The following ZNF266 variants were observed in gnomAD, a reference collection of about 807,000 sequenced individuals.
ZNF266 encodes zinc finger protein 1.
A neutral mutation model predicts 16.4 loss-of-function variants in ZNF266; 16 were observed. The ratio of observed to expected loss-of-function variants is 0.98; its 90% CI spans 0.66 to 1.48. The LOEUF (loss-of-function observed/expected upper bound fraction) is 1.48, where lower values mean the gene tolerates loss of function less well. ZNF266 is among the 40% of genes most tolerant of loss of function. The pLI is 0.00. For synonymous variants in ZNF266, 262 were observed against 237.9 expected, an observed-to-expected ratio of 1.10 and a Z score of -0.93; for missense variants, 738 against 689.1, an observed-to-expected ratio of 1.07 and a Z score of -0.79.
chr19:9,425,970 A>G (rs550480954), intron 5 of ZNF266, among the ~76,000 whole-genome samples: 3 of 152,286 alleles, frequency 2.0e-5, no homozygotes, highest in South Asian at 4.1e-4. Flanking sequence ...GAAGACCGGC[A>G]TTCTGACTGC....
rs201553198 is a variant in ZNF266 at position 9,414,236 on chromosome 19, T to C, written c.890A>G (p.His297Arg). The C allele has an allele frequency of 4.3e-6, 7 of 1,614,224 alleles. No homozygotes were observed. The East Asian group carries it at 1.6e-4, about 36-fold the overall frequency. Reference protein sequence around the residue: ...GFRYSAYLNIHMGTHTGDNPY... With the variant: ...GFRYSAYLNIRMGTHTGDNPY... ...ATTGTCTCCAGTGTGGGTTCCCATG[T>C]GAATATTAAGGTATGCAGAATATCT... Residue 297 changes from histidine to arginine, a missense_variant, in exon 11 of 11, where the codon CAC (histidine) becomes CGC (arginine). By Grantham distance (29) the His-to-Arg change is conservative. Transcript: ENST00000592904.
At position 9,413,472 on chromosome 19, in the gene ZNF266, T is replaced by G. The variant is rs747596128; in HGVS notation, c.1654A>C (p.Ile552Leu). ...TTGTAGGGTTTTTCTCCAGTGTGGA[T>G]CCGCATGTGAAGGTTAACACACGTG... is the stretch of plus-strand genomic sequence containing the variant. ...FPTCVNLHMR[I>L]HTGEKPYKCK... The change falls in exon 11 of 11, where the codon ATC becomes CTC. Residue 552 changes from isoleucine (I) to leucine (L), a missense_variant. Ile to Leu is a conservative substitution (Grantham distance 5, BLOSUM62 2). Coordinates refer to ENST00000592904, the MANE Select transcript of ZNF266 (RefSeq NM_001370374.1). The G allele has an allele frequency of 1.6e-5, 26 of 1,612,878 alleles. 1 individual carries two copies. The South Asian group carries it at 2.7e-4, about 17-fold the overall frequency.
intron 5 of ZNF266, among the ~76,000 whole-genome samples, chr19:9,427,067 G>T (rs1357246445): frequency 6.6e-6 from 1 of 152,152 alleles, no homozygotes; most frequent in Non-Finnish European, 1.5e-5. Context: ...GGGCCTCAAG[G>T]ATGAAAACTT....
chr19:9,432,391 A>G (rs1179968492), intron 5 of ZNF266, among the ~76,000 whole-genome samples: 4 of 152,238 alleles, frequency 2.6e-5, no homozygotes, highest in Admixed American at 1.3e-4. Context: ...CAGTATATGC[A>G]CATCCTCAGC....
intron 5 of ZNF266, among the ~76,000 whole-genome samples, chr19:9,426,032 C>A (rs79568035): frequency 0.021 from 3,254 of 152,230 alleles, 118 homozygotes; most frequent in African/African-American, 0.074. Flanking sequence ...CCCACTCTGA[C>A]AACAGTAGCA....
chr19:9,417,553 C>A (rs1035667712), intron 9 of ZNF266, among the ~76,000 whole-genome samples: 6 of 151,974 alleles, frequency 3.9e-5, no homozygotes, highest in African/African-American at 1.4e-4. Context: ...ACGGTCAAAC[C>A]CCGCCTCTAC....
At chr19:9,423,560 C>T (rs993860268) in intron 5 of ZNF266, among the ~76,000 whole-genome samples, 5 of 152,192 alleles carry the variant, frequency 3.3e-5, no homozygotes, top group South Asian at 2.1e-4. Context: ...AAAGTGGAAT[C>T]GCATACTGAA....
intron 9 of ZNF266, among the ~76,000 whole-genome samples, chr19:9,416,689 T>TTG (rs58260172): frequency 1.5e-5 from 2 of 137,146 alleles, no homozygotes; most frequent in African/African-American, 5.7e-5. Flanking sequence ...TTTTTTTTTT[T>TTG]GAGACAGAGT....
intron 3 of ZNF266, among the ~76,000 whole-genome samples, 196 bp from the exon 4 acceptor site, chr19:9,434,431 A>T (rs1340883973): frequency 6.6e-6 from 1 of 152,174 alleles, no homozygotes; most frequent in Non-Finnish European, 1.5e-5. Flanking sequence ...CATTTACAGG[A>T]TACACCAATA....
At chr19:9,416,220 C>T (rs564936528) in intron 9 of ZNF266, among the ~76,000 whole-genome samples, 6 of 152,050 alleles carry the variant, frequency 3.9e-5, no homozygotes, top group East Asian at 1.9e-4. Context: ...AAGGATATAG[C>T]GTCAAAATTT....
chr19:9,418,660 G>A lies in ZNF266; in HGVS notation c.109-29C>T, dbSNP rs1156335129. 9 of 1,129,180 alleles carry A rather than the reference G, an allele frequency of 8.0e-6. No homozygotes were observed. The East Asian group carries it at 9.4e-5, about 12-fold the overall frequency. 69.9% of individuals were successfully genotyped at this position (1,129,180 alleles called of 1,614,324 possible). A position where few individuals can be genotyped will look rare whatever the true frequency, so the allele number is the denominator to read the frequency against. ...AACCATCACACACATGCTGGCTTGA[G>A]CCACAAAACATGTCTACCAGTGTTC... On this transcript the variant is annotated intron_variant, in intron 7 of 10. Transcript: ENST00000592904.
intron 5 of ZNF266, among the ~76,000 whole-genome samples, chr19:9,420,952 C>A (rs80100411): frequency 6.6e-6 from 1 of 152,052 alleles, no homozygotes; most frequent in East Asian, 1.9e-4. Context: ...CAGTACAACA[C>A]CATGGTCACT....
chr19:9,414,485 T>A lies in ZNF266; in HGVS notation c.641A>T (p.Gln214Leu), dbSNP rs1299401105. ...AFSLNPDVVC[Q>L]RTCTGEKAFD... The stretch of plus-strand genomic sequence containing the variant: ...AGCTTTCTCTCCTGTGCACGTTCTC[T>A]GGCAAACAACATCTGGGTTCAGGCT... Residue 214 changes from glutamine to leucine, a missense_variant, in exon 11 of 11, where the codon CAG (glutamine) becomes CTG (leucine). By Grantham distance (113) the Gln-to-Leu change is moderately radical. Coordinates refer to ENST00000592904, the MANE Select transcript of ZNF266 (RefSeq NM_001370374.1). 6.2e-7 allele frequency: 1 copy of A among 1,614,120 alleles called. No homozygotes were observed. Among genetic ancestry groups the A allele is most frequent in the Non-Finnish European group, 8.5e-7 (1 of 1,180,042 alleles).
Position 9,413,629 on chromosome 19 carries a change from T to A in ZNF266, c.1497A>T (p.Gly499=). The A allele has an allele frequency of 1.9e-6, 3 of 1,614,024 alleles. No individual in the cohort carries two copies. The South Asian group carries it at 3.3e-5, about 18-fold the overall frequency. ...NLSGHLRIHT[G]EKPFECLECG... ...ATTCCAGGCACTCAAAGGGCTTCTCTCCAGTGTGAATTCTCAAATGTCCAC... is the reference window on the plus strand; with the variant it reads ...ATTCCAGGCACTCAAAGGGCTTCTCACCAGTGTGAATTCTCAAATGTCCAC... The change falls in exon 11 of 11, where the codon GGA becomes GGT. Residue 499 remains glycine, a synonymous_variant. Transcript: ENST00000592904.
chr19:9,418,414 T>A, intron 8 of ZNF266, 91 bp downstream of exon 8: 1 of 1,339,538 alleles, frequency 7.5e-7, no homozygotes, highest in South Asian at 1.2e-5. Flanking sequence ...TTTCCCATTG[T>A]GTTCAGAGTT....
intron 5 of ZNF266, among the ~76,000 whole-genome samples, chr19:9,422,503 C>T (rs2070077969): frequency 6.6e-6 from 1 of 152,202 alleles, no homozygotes; most frequent in Admixed American, 6.5e-5. Flanking sequence ...CACTTAGCCA[C>T]CACCCATGGC....
chr19:9,418,048 T>C, intron 8 of ZNF266, 140 bp from the exon 9 acceptor site: 2 of 864,336 alleles, frequency 2.3e-6, no homozygotes, highest in Non-Finnish European at 3.6e-6. Flanking sequence ...CGTCTGTCTG[T>C]GCCCCCAAAA....
chr19:9,418,705 A>G lies in ZNF266; in HGVS notation c.109-74T>C, dbSNP rs2069425349. On this transcript the variant is annotated intron_variant, in intron 7 of 10. Transcript: ENST00000592904. ...GTGTTCACTGCAAAATGCAATACCT[A>G]CAGAGTCTGAGGGCTCACATTGCCC... 9 of 753,526 alleles carry G rather than the reference A, an allele frequency of 1.2e-5. 1 individual carries two copies. The South Asian group carries it at 1.5e-4, about 12-fold the overall frequency. 46.7% of individuals were successfully genotyped at this position (753,526 alleles called of 1,614,324 possible). A position where few individuals can be genotyped will look rare whatever the true frequency, so the allele number is the denominator to read the frequency against.
At chr19:9,431,752 C>T (rs1207396127) in intron 5 of ZNF266, among the ~76,000 whole-genome samples, 1 of 152,164 alleles carries the variant, frequency 6.6e-6, no homozygotes, top group Admixed American at 6.5e-5. Flanking sequence ...AGTAACCCAG[C>T]AAACTTCACC....
Sources: allele counts gnomAD v4.1 joint callset (sites outside exome capture counted in the v4.1 genomes callset), GRCh38; gene constraint gnomAD v4.1.1; transcripts MANE v1.5; gene names NCBI Gene and HGNC (gene_info 2026-07-23, HGNC 2026-07-21).